The following SOCS4 variants were observed in gnomAD, a reference collection of about 807,000 sequenced individuals.
SOCS4 encodes the protein suppressor of cytokine signaling 4.
SOCS4 carries 20 observed loss-of-function variants against 34.1 expected under a neutral mutation model. That is an observed-to-expected ratio of 0.59 (90% CI 0.41 to 0.85). The LOEUF (loss-of-function observed/expected upper bound fraction) is 0.85, where lower values mean the gene tolerates loss of function less well. Ranked by LOEUF, SOCS4 falls within the 40% of genes least tolerant of loss-of-function variation. The pLI, the probability that SOCS4 is intolerant of heterozygous loss-of-function variation, is 0.00. For missense variants in SOCS4, 479 were observed against 532.4 expected, an observed-to-expected ratio of 0.90 and a Z score of 0.99; for synonymous variants, 180 against 186.4, an observed-to-expected ratio of 0.97 and a Z score of 0.28.
chr14:55,044,082 T>C lies in SOCS4; in HGVS notation c.1041T>C (p.His347=). ...ATCACAACTTTAGCTTTGATGCACA[T>C]GACCCCTGTGTCTTCCATTCTCCTG... ...QWNHNFSFDA[H]DPCVFHSPDI... The change falls in exon 3 of 3, where the codon CAT becomes CAC. Residue 347 remains histidine (H), a synonymous_variant. Transcript: ENST00000555846. The C allele has an allele frequency of 6.2e-7, 1 of 1,614,158 alleles. No homozygotes were observed. The highest frequency in any genetic ancestry group is 8.5e-7 in the Non-Finnish European group (1 of 1,179,996).
intron 2 of SOCS4, among the ~76,000 whole-genome samples, chr14:55,032,741 T>C (rs763859345): frequency 6.7e-6 from 1 of 149,872 alleles, no homozygotes; most frequent in African/African-American, 2.5e-5. Context: ...CTGTGTCACA[T>C]GAAATTGTTG....
intron 2 of SOCS4, among the ~76,000 whole-genome samples, chr14:55,035,926 C>A (rs996725219): frequency 1.4e-5 from 2 of 148,090 alleles, no homozygotes. Context: ...AAAAGAGAAA[C>A]ATAACAAAAT....
intron 1 of SOCS4, among the ~76,000 whole-genome samples, chr14:55,030,511 C>T (rs1006484548): frequency 2.0e-5 from 3 of 152,054 alleles, no homozygotes; most frequent in Non-Finnish European, 4.4e-5. Context: ...TGTTTCCCCT[C>T]CCCTTTTTCT....
intron 2 of SOCS4, among the ~76,000 whole-genome samples, chr14:55,035,183 G>T (rs1369427240): frequency 6.6e-6 from 1 of 152,100 alleles, no homozygotes; most frequent in Non-Finnish European, 1.5e-5. Flanking sequence ...TTAAGTACAG[G>T]TGAACGTGTG....
chr14:55,037,325 A>G (rs2042581629), intron 2 of SOCS4, among the ~76,000 whole-genome samples: 1 of 151,368 alleles, frequency 6.6e-6, no homozygotes, highest in South Asian at 2.1e-4. Flanking sequence ...TTGTAGTTTT[A>G]GTAGAGACAG....
At position 55,042,932 on chromosome 14, in the gene SOCS4, CTT is replaced by C. The variant is rs1044499542; in HGVS notation, c.-90-13_-90-12del. 1 of 989,892 alleles carries C rather than the reference CTT, an allele frequency of 1.0e-6. No homozygotes were observed. The highest frequency in any genetic ancestry group is 1.5e-6 in the Non-Finnish European group (1 of 684,064). The allele number at this position is 989,892 out of a possible 1,614,324, so 61.3% of individuals were successfully genotyped here. A position where few individuals can be genotyped will look rare whatever the true frequency, so the allele number is the denominator to read the frequency against. ...AAGGTAGATGACAAATGGTTAATGA[CTT>C]TTTTTTGTTTTCTTTAGATACATCC... On this transcript the variant is annotated intron_variant, in intron 2 of 2. Coordinates refer to ENST00000555846, the MANE Select transcript of SOCS4 (RefSeq NM_199421.2).
At chr14:55,035,936 T>G (rs191704678) in intron 2 of SOCS4, among the ~76,000 whole-genome samples, 2 of 148,534 alleles carry the variant, frequency 1.3e-5, no homozygotes, top group Non-Finnish European at 3.0e-5. Context: ...CATAACAAAA[T>G]AGAAAATTTA....
chr14:55,044,057 A>T lies in SOCS4; in HGVS notation c.1016A>T (p.Asn339Ile). ...RSLHARIEQWNHNFSFDAHDP... is the reference protein window; with the variant it reads ...RSLHARIEQWIHNFSFDAHDP... ...CTTCATGCTAGAATTGAACAGTGGA[A>T]TCACAACTTTAGCTTTGATGCACAT... Residue 339 changes from asparagine to isoleucine, a missense_variant, in exon 3 of 3, where the codon AAT becomes ATT. Asn to Ile is a moderately radical substitution (Grantham distance 149). Coordinates refer to ENST00000555846, the MANE Select transcript of SOCS4 (RefSeq NM_199421.2). 1 of 1,614,144 alleles carries T rather than the reference A, an allele frequency of 6.2e-7. No individual in the cohort carries two copies. The highest frequency in any genetic ancestry group is 8.5e-7 in the Non-Finnish European group (1 of 1,180,002).
At chr14:55,028,347 A>G (rs541015095) in intron 1 of SOCS4, among the ~76,000 whole-genome samples, 4 of 152,296 alleles carry the variant, frequency 2.6e-5, no homozygotes, top group African/African-American at 9.6e-5. Context: ...GGATTTGTGG[A>G]AAAATAACCC....
intron 2 of SOCS4, among the ~76,000 whole-genome samples, chr14:55,034,882 A>G (rs1466499571): frequency 7.0e-6 from 1 of 143,044 alleles, no homozygotes; most frequent in African/African-American, 2.6e-5. Context: ...TTTCCTTGAC[A>G]TGGAATCTTG....
chr14:55,028,454 T>C (rs1408558775), intron 1 of SOCS4, among the ~76,000 whole-genome samples: 1 of 152,124 alleles, frequency 6.6e-6, no homozygotes. Context: ...TTGGATAGAC[T>C]GGCTTATAAA....
At chr14:55,032,040 T>A (rs2042533276) in intron 2 of SOCS4, 49 bp downstream of exon 2, 1 of 152,224 alleles carries the variant, frequency 6.6e-6, no homozygotes, top group Non-Finnish European at 1.5e-5. Flanking sequence ...CAGGCTTAAT[T>A]ACTACCAGAA....
chr14:55,043,369 A>G lies in SOCS4; in HGVS notation c.328A>G (p.Ser110Gly), dbSNP rs886939315. 10 of 1,614,248 alleles carry G rather than the reference A, an allele frequency of 6.2e-6. No homozygotes were observed. Among genetic ancestry groups the G allele is most frequent in the Admixed American group, 3.3e-5 (2 of 60,032 alleles). The change falls in exon 3 of 3, where the codon AGT becomes GGT. Residue 110 changes from serine (S) to glycine (G), a missense_variant. Transcript: ENST00000555846. ...GTGTTTTCCAATAAAGAATTGTAGT[A>G]GTCGGCACTCTTCAGGGCTTCCGTC... ...GQCFPIKNCS[S>G]RHSSGLPSKR...
chr14:55,048,250 A>G lies in SOCS4; in HGVS notation c.*3886A>G, dbSNP rs957712641. On this transcript the variant is annotated 3_prime_UTR_variant, in exon 3 of 3. Transcript: ENST00000555846. ...CTAACTCACGCTTACTTTTCATTAA[A>G]ATATTTCTTGTCGCTTTTAGCTATT... 1 of 167,088 alleles carries G rather than the reference A, an allele frequency of 6.0e-6. No homozygotes were observed. Among genetic ancestry groups the G allele is most frequent in the Non-Finnish European group, 1.5e-5 (1 of 68,110 alleles). The allele number at this position is 167,088 out of a possible 1,614,324, so 10.4% of individuals were successfully genotyped here. A position where few individuals can be genotyped will look rare whatever the true frequency, so the allele number is the denominator to read the frequency against.
intron 2 of SOCS4, 103 bp downstream of exon 2, chr14:55,032,094 T>C (rs1162088844): frequency 2.6e-5 from 4 of 152,208 alleles, no homozygotes; most frequent in Admixed American, 1.3e-4. Context: ...ACTGAATTAT[T>C]CTTTATAGGA....
intron 2 of SOCS4, among the ~76,000 whole-genome samples, chr14:55,040,892 GTTT>G (rs746911549): frequency 1.4e-5 from 2 of 138,934 alleles, no homozygotes; most frequent in Admixed American, 7.2e-5. Context: ...TCACCAGATG[GTTT>G]TTTTTTTTTT....
chr14:55,047,690 C>T lies in SOCS4; in HGVS notation c.*3326C>T, dbSNP rs2042689127. The T allele has an allele frequency of 6.0e-6, 1 of 167,136 alleles. No homozygotes were observed. 10.4% of individuals were successfully genotyped at this position (167,136 alleles called of 1,614,324 possible). ...TTATTATAAATAATATAAAGAATGTCTCAGTAATTAGAAATCCCTTAATAA... is the reference window on the plus strand; with the variant it reads ...TTATTATAAATAATATAAAGAATGTTTCAGTAATTAGAAATCCCTTAATAA... On this transcript the variant is annotated 3_prime_UTR_variant, in exon 3 of 3. Transcript: ENST00000555846.
intron 2 of SOCS4, among the ~76,000 whole-genome samples, chr14:55,037,381 G>A (rs1048438105): frequency 1.2e-4 from 18 of 151,860 alleles, no homozygotes; most frequent in African/African-American, 4.1e-4. Context: ...CTGACCTGAT[G>A]ATCCACCTGC....
chr14:55,044,239 TG>T lies in SOCS4; in HGVS notation c.1199del (p.Cys400LeufsTer16), dbSNP rs1416132524. The T allele has an allele frequency of 6.2e-7, 1 of 1,613,986 alleles. No individual in the cohort carries two copies. Among genetic ancestry groups the T allele is most frequent in the Non-Finnish European group, 8.5e-7 (1 of 1,179,962 alleles). Reference sequence around the variant, plus strand: ...TATATGCAGAACAGTTATTTGTAACTGTACAACTTATGATGGCATCGATGCC... The same window carrying T: ...TATATGCAGAACAGTTATTTGTAACTTACAACTTATGATGGCATCGATGCC... ...QHICRTVICN[C>X]TTYDGIDALP... On this transcript the variant is annotated frameshift_variant, in exon 3 of 3. Transcript: ENST00000555846. LOFTEE classifies it high-confidence loss of function.
Sources: gnomAD v4.1 joint callset for allele counts (sites outside exome capture counted in the v4.1 genomes callset) on GRCh38, gnomAD v4.1.1 for gene constraint, MANE v1.5 for transcripts, NCBI Gene and HGNC (gene_info 2026-07-23, HGNC 2026-07-21) for gene names.